PPP1R21: variants seen among roughly 807,000 people sequenced by gnomAD.
PPP1R21 encodes KLRAQ motif containing 1.
In PPP1R21, 85 loss-of-function variants were observed where a neutral mutation model predicts 112.8. The observed-to-expected ratio is 0.75, with a 90% CI of 0.63 to 0.90. PPP1R21 has a LOEUF of 0.90. Among genes scored for constraint, PPP1R21 ranks in the 40% least tolerant of loss-of-function variants. The probability of loss-of-function intolerance (pLI) is 0.00; values close to 1 mark genes in which losing one functional copy is unlikely to be tolerated. For missense variants in PPP1R21, 1,199 were observed against 901.5 expected, an observed-to-expected ratio of 1.33 and a Z score of -4.23; for synonymous variants, 381 against 322.3, an observed-to-expected ratio of 1.18 and a Z score of -1.95.
chr2:48,487,894 A>T (rs934929610), intron 14 of PPP1R21, among the ~76,000 whole-genome samples: 2 of 152,176 alleles, frequency 1.3e-5, no homozygotes, highest in African/African-American at 4.8e-5. Flanking sequence ...AACATCCTAC[A>T]TGTATAAAAC....
At chr2:48,491,710 T>C (rs138398274) in intron 15 of PPP1R21, among the ~76,000 whole-genome samples, 1 of 152,244 alleles carries the variant, frequency 6.6e-6, no homozygotes, top group African/African-American at 2.4e-5. Flanking sequence ...ACACACATAC[T>C]ATAAAAAGCA....
intron 18 of PPP1R21, among the ~76,000 whole-genome samples, chr2:48,506,391 G>A (rs1469021558): frequency 8.6e-5 from 13 of 152,026 alleles, no homozygotes. Flanking sequence ...ACTGTGCCTG[G>A]CCACTTTAAG....
At chr2:48,503,883 G>T (rs1473504912) in intron 17 of PPP1R21, among the ~76,000 whole-genome samples, 2 of 151,514 alleles carry the variant, frequency 1.3e-5, no homozygotes, top group African/African-American at 4.9e-5. Context: ...AACCCAGGAG[G>T]CGGAGGTTGC....
chr2:48,489,992 C>T (rs1378897343), intron 14 of PPP1R21, among the ~76,000 whole-genome samples: 1 of 151,998 alleles, frequency 6.6e-6, no homozygotes, highest in African/African-American at 2.4e-5. Flanking sequence ...TTGCAGTGAG[C>T]CGAGATCGTG....
At chr2:48,512,184 C>G (rs1269860828) in intron 21 of PPP1R21, among the ~76,000 whole-genome samples, 1 of 151,644 alleles carries the variant, frequency 6.6e-6, no homozygotes, top group Non-Finnish European at 1.5e-5. Context: ...ATGTCTTACC[C>G]TTTTAACTAG....
At chr2:48,508,167 AAGT>A (rs973119979) in intron 19 of PPP1R21, among the ~76,000 whole-genome samples, 1 of 152,184 alleles carries the variant, frequency 6.6e-6, no homozygotes, top group African/African-American at 2.4e-5. Context: ...TGAAGAGAGA[AAGT>A]AGAGATACCA....
intron 14 of PPP1R21, among the ~76,000 whole-genome samples, chr2:48,489,523 A>T (rs1020837287): frequency 6.6e-6 from 1 of 151,288 alleles, no homozygotes; most frequent in Non-Finnish European, 1.5e-5. Context: ...TTCAATTTTG[A>T]AAAGATGAGG....
chr2:48,513,513 T>C (rs1438566564), intron 21 of PPP1R21, among the ~76,000 whole-genome samples: 1 of 152,048 alleles, frequency 6.6e-6, no homozygotes. Flanking sequence ...CACAGCATTT[T>C]AGAGATTGTT....
chr2:48,474,912 G>A lies in PPP1R21; in HGVS notation c.1225+93G>A, dbSNP rs1668682794. 3.7e-6 allele frequency: 4 copies of A among 1,082,002 alleles called. No individual in the cohort carries two copies. In the South Asian group the frequency reaches 6.3e-5, roughly 17 times the overall value. 67.0% of individuals were successfully genotyped at this position (1,082,002 alleles called of 1,614,324 possible). ...ATGGTTTAGCTAAGTAGAGTGAGAG[G>A]AGCATAGGATCTGGCATCAGGAAAA... is the stretch of plus-strand genomic sequence containing the variant. On this transcript the variant is annotated intron_variant, in intron 12 of 21. Transcript: ENST00000294952.
At chr2:48,455,962 C>T (rs2103779638) in intron 3 of PPP1R21, among the ~76,000 whole-genome samples, 1 of 144,184 alleles carries the variant, frequency 6.9e-6, no homozygotes, top group East Asian at 2.0e-4. Flanking sequence ...TTGCAGCGAG[C>T]CGAGATCAGG....
At chr2:48,507,521 C>T (rs1670437796) in intron 19 of PPP1R21, 136 bp downstream of exon 19, 1 of 1,310,242 alleles carries the variant, frequency 7.6e-7, no homozygotes, top group Non-Finnish European at 1.0e-6. Flanking sequence ...GTGTGTACCA[C>T]CACGCCCAGC....
intron 20 of PPP1R21, 86 bp from the exon 21 acceptor site, chr2:48,511,254 C>G (rs559852694): frequency 1.4e-5 from 19 of 1,346,262 alleles, no homozygotes; most frequent in Non-Finnish European, 1.9e-5. Flanking sequence ...TTTCCCTACT[C>G]CACATTTTTC....
At chr2:48,491,258 G>A in intron 15 of PPP1R21, 88 bp downstream of exon 15, 1 of 1,423,694 alleles carries the variant, frequency 7.0e-7, no homozygotes, top group Non-Finnish European at 9.5e-7. Context: ...AGTTTATATT[G>A]TTGACTTTTT....
chr2:48,493,011 CTTTTTTTTT>C (rs746795481), intron 15 of PPP1R21, among the ~76,000 whole-genome samples: 3 of 96,662 alleles, frequency 3.1e-5, no homozygotes, highest in Admixed American at 1.2e-4. Flanking sequence ...GGTCATTTAC[CTTTTTTTTT>C]TTTTTTTTTT....
intron 9 of PPP1R21, among the ~76,000 whole-genome samples, 155 bp from the exon 10 acceptor site, chr2:48,470,930 TAA>T (rs1389549692): frequency 6.6e-6 from 1 of 152,162 alleles, no homozygotes; most frequent in Non-Finnish European, 1.5e-5. Flanking sequence ...AAATTTCCAA[TAA>T]AAGTTTCCAA....
chr2:48,457,928 C>A, intron 3 of PPP1R21, 198 bp from the exon 4 acceptor site: 1 of 536,408 alleles, frequency 1.9e-6, no homozygotes. Flanking sequence ...AGCTTTCCTG[C>A]TCCTTACAAT....
In PPP1R21 at chr2:48,474,718, C is replaced by CT; in HGVS notation, c.1125dup (p.Ala376CysfsTer21). The CT allele has an allele frequency of 6.2e-7, 1 of 1,612,272 alleles. No homozygotes were observed. Among genetic ancestry groups the CT allele is most frequent in the Non-Finnish European group, 8.5e-7 (1 of 1,179,202 alleles). ...GAATGTGAATCCTCTCTTTGCACAT[C>CT]TGCGTTAAGAGCCAGGAATCTAGAG... On this transcript the variant is annotated frameshift_variant, in exon 12 of 22. Coordinates refer to ENST00000294952, the MANE Select transcript of PPP1R21 (RefSeq NM_001135629.3). LOFTEE classifies it high-confidence loss of function.
At chr2:48,497,799 C>T (rs1236699812) in intron 16 of PPP1R21, among the ~76,000 whole-genome samples, 4 of 151,920 alleles carry the variant, frequency 2.6e-5, no homozygotes, top group Non-Finnish European at 5.9e-5. Flanking sequence ...CTACAGGCGC[C>T]CGCCGCCACA....
At chr2:48,449,364 G>C (rs1558417817) in intron 1 of PPP1R21, among the ~76,000 whole-genome samples, 2 of 152,120 alleles carry the variant, frequency 1.3e-5, no homozygotes, top group Non-Finnish European at 2.9e-5. Flanking sequence ...CCATATAGCT[G>C]GTTATAGTGA....
Sources: gnomAD v4.1 joint callset for allele counts (sites outside exome capture counted in the v4.1 genomes callset) on GRCh38, gnomAD v4.1.1 for gene constraint, MANE v1.5 for transcripts, NCBI Gene and HGNC (gene_info 2026-07-23, HGNC 2026-07-21) for gene names.